Variants in KLRF1 observed in about 807,000 individuals in gnomAD.
The protein encoded by KLRF1 is killer cell lectin-like receptor subfamily F member 1.
KLRF1 carries 27 observed loss-of-function variants against 30.7 expected under a neutral mutation model. The observed-to-expected ratio is 0.88, with a 90% CI of 0.65 to 1.21. The LOEUF (loss-of-function observed/expected upper bound fraction) is 1.21. Among genes scored for constraint, KLRF1 ranks in the 50% most tolerant of loss-of-function variants. The pLI, the probability that KLRF1 is intolerant of heterozygous loss-of-function variation, is 0.00. For synonymous variants in KLRF1, 92 were observed against 89.3 expected, an observed-to-expected ratio of 1.03 and a Z score of -0.17; for missense variants, 246 against 259.3, an observed-to-expected ratio of 0.95 and a Z score of 0.35.
the KLRF1 span, among the ~76,000 whole-genome samples, chr12:9,803,063 C>T: frequency 1.3e-5 from 2 of 152,160 alleles, no homozygotes; most frequent in Non-Finnish European, 2.9e-5. Context: ...TCAAAATATA[C>T]TGCAAGGCTA....
At chr12:9,842,723 TC>T (rs1413791830) in intron 5 of KLRF1, among the ~76,000 whole-genome samples, 1 of 152,116 alleles carries the variant, frequency 6.6e-6, no homozygotes, top group Non-Finnish European at 1.5e-5. Flanking sequence ...TCTTTAGCCA[TC>T]TTCAGTAATA....
At chr12:9,804,851 T>A in the KLRF1 span, among the ~76,000 whole-genome samples, 2 of 152,014 alleles carry the variant, frequency 1.3e-5, no homozygotes, top group African/African-American at 4.8e-5. Context: ...TAGAAGAGTG[T>A]TTTTATATGT....
chr12:9,825,658 A>AAAAC (rs1247683975), upstream of KLRF1, among the ~76,000 whole-genome samples: 1 of 151,826 alleles, frequency 6.6e-6, no homozygotes. Flanking sequence ...GAAACAAAAC[A>AAAAC]AAACAAACAA....
At chr12:9,813,118 T>C in the KLRF1 span, among the ~76,000 whole-genome samples, 6 of 150,564 alleles carry the variant, frequency 4.0e-5, no homozygotes, top group African/African-American at 1.5e-4. Context: ...TTCCCTCTTT[T>C]ATGTCTTTTT....
chr12:9,839,313 C>T (rs1308424475), intron 3 of KLRF1, among the ~76,000 whole-genome samples: 1 of 151,960 alleles, frequency 6.6e-6, no homozygotes, highest in African/African-American at 2.4e-5. Flanking sequence ...TTCTTAGCTC[C>T]CAAATGCCCA....
chr12:9,800,836 T>A, the KLRF1 span, among the ~76,000 whole-genome samples: 49 of 152,096 alleles, frequency 3.2e-4, no homozygotes, highest in Non-Finnish European at 5.2e-4. Context: ...TTTTAAAAAA[T>A]TTTATTCATT....
At chr12:9,821,276 C>G in the KLRF1 span, among the ~76,000 whole-genome samples, 5 of 152,230 alleles carry the variant, frequency 3.3e-5, no homozygotes, top group East Asian at 7.7e-4. Context: ...GTAACAGCAG[C>G]TCTGCATTCC....
the KLRF1 span, among the ~76,000 whole-genome samples, chr12:9,813,136 T>A: frequency 6.6e-6 from 1 of 152,022 alleles, no homozygotes; most frequent in Admixed American, 6.5e-5. Context: ...TTTATTTTTT[T>A]ATTTTTTTAA....
At chr12:9,800,340 A>T in the KLRF1 span, among the ~76,000 whole-genome samples, 2 of 152,038 alleles carry the variant, frequency 1.3e-5, no homozygotes, top group Non-Finnish European at 2.9e-5. Flanking sequence ...TTTGGAGTAC[A>T]AGTGATTTTT....
chr12:9,838,963 T>C (rs780943821), intron 3 of KLRF1, among the ~76,000 whole-genome samples: 11 of 152,106 alleles, frequency 7.2e-5, no homozygotes, highest in Non-Finnish European at 1.5e-4. Flanking sequence ...CCCTAATTTA[T>C]ATATTAAAAC....
chr12:9,802,505 A>G, the KLRF1 span, among the ~76,000 whole-genome samples: 75 of 152,106 alleles, frequency 4.9e-4, no homozygotes, highest in Non-Finnish European at 9.6e-4. Flanking sequence ...GGCAAGAGAA[A>G]GAAATAAAGG....
At chr12:9,836,184 C>T (rs953732449) in intron 3 of KLRF1, among the ~76,000 whole-genome samples, 3 of 151,892 alleles carry the variant, frequency 2.0e-5, no homozygotes, top group Non-Finnish European at 4.4e-5. Context: ...TGGGAATGAT[C>T]CCTTCATTCT....
rs1324471433 is a variant in KLRF1, at chr12:9,842,436, G to T, written c.587+3G>T. 21 of 1,610,490 alleles carry T rather than the reference G, an allele frequency of 1.3e-5. No individual in the cohort carries two copies. The highest frequency in any genetic ancestry group is 1.7e-5 in the Admixed American group (1 of 59,688). On this transcript the variant is annotated splice_donor_region_variant and intron_variant, in intron 5 of 5. Transcript: ENST00000617889. ...GGTTCTCCAATAGATTCAAAGATGT[G>T]AGTCTTTCTTAAAAGGCAATCTGAT...
chr12:9,805,826 C>A, the KLRF1 span, among the ~76,000 whole-genome samples: 2 of 151,808 alleles, frequency 1.3e-5, no homozygotes, highest in Non-Finnish European at 2.9e-5. Context: ...TACTCCTTTA[C>A]AATTCTTTTT....
chr12:9,835,116 T>G (rs1867544374), intron 3 of KLRF1, among the ~76,000 whole-genome samples: 1 of 152,012 alleles, frequency 6.6e-6, no homozygotes, highest in Non-Finnish European at 1.5e-5. Context: ...TTTTTTGTCG[T>G]GTTGGTGTCA....
rs370404125 is a variant in KLRF1, at chr12:9,842,356, C to T, written c.510C>T (p.Tyr170=). 63 of 1,611,672 alleles carry T rather than the reference C, an allele frequency of 3.9e-5. No homozygotes were observed. In the African/African-American group the frequency reaches 4.0e-4, roughly 10 times the overall value. ...AGAAAAACCTAAGACAATTAAACTACGTATGGATTGGGCTTAACTTTACCT... is the reference window on the plus strand; with the variant it reads ...AGAAAAACCTAAGACAATTAAACTATGTATGGATTGGGCTTAACTTTACCT... ...FIQKNLRQLN[Y]VWIGLNFTSL... Residue 170 remains tyrosine, a synonymous_variant, in exon 5 of 6, where the codon TAC becomes TAT. Coordinates refer to ENST00000617889, the MANE Select transcript of KLRF1 (RefSeq NM_016523.3).
the KLRF1 span, among the ~76,000 whole-genome samples, chr12:9,818,621 G>C: frequency 2.0e-5 from 3 of 152,180 alleles, no homozygotes; most frequent in African/African-American, 4.8e-5. Context: ...AGATTAAAGA[G>C]ACTTAAGTAA....
the KLRF1 span, among the ~76,000 whole-genome samples, chr12:9,806,176 A>C: frequency 0.099 from 15,084 of 151,818 alleles, 928 homozygotes; most frequent in East Asian, 0.2. Context: ...GTAGGTGTAA[A>C]TATTACTGTA....
intron 3 of KLRF1, among the ~76,000 whole-genome samples, chr12:9,838,966 A>G (rs905081037): frequency 1.3e-5 from 2 of 152,090 alleles, no homozygotes; most frequent in South Asian, 2.1e-4. Flanking sequence ...TAATTTATAT[A>G]TTAAAACTTT....
Sources: gnomAD v4.1 joint callset for allele counts (sites outside exome capture counted in the v4.1 genomes callset) on GRCh38, gnomAD v4.1.1 for gene constraint, MANE v1.5 for transcripts, NCBI Gene and HGNC (gene_info 2026-07-23, HGNC 2026-07-21) for gene names.